Variants in BTD observed in about 807,000 individuals in gnomAD.
BTD encodes biotinidase, also known as biocytinase.
In BTD, 13 loss-of-function variants were observed where a neutral mutation model predicts 17.7. The observed-to-expected ratio is 0.74, with a 90% CI of 0.48 to 1.17. The LOEUF is 1.17. BTD is among the 50% of genes most tolerant of loss of function. The pLI is 0.00. For missense variants in BTD, 674 were observed against 650.4 expected (o/e 1.04, Z -0.39); for synonymous variants, 240 against 245.2 (o/e 0.98, Z 0.20).
chr3:15,601,403 C>T (rs199768149), upstream of BTD: 13 of 1,614,090 alleles, frequency 8.1e-6, no homozygotes, highest in South Asian at 6.6e-5. Context: ...AGGGCCTGAG[C>T]GATGACTTTA....
At chr3:15,636,105 A>C (rs149326239) in intron 2 of BTD, among the ~76,000 whole-genome samples, 1 of 152,178 alleles carries the variant, frequency 6.6e-6, no homozygotes, top group Non-Finnish European at 1.5e-5. Flanking sequence ...TTGGTGTGGA[A>C]GGGGTGTGGA....
intron 1 of BTD, among the ~76,000 whole-genome samples, chr3:15,605,191 T>C (rs1327683615): frequency 6.6e-6 from 1 of 152,154 alleles, no homozygotes; most frequent in Non-Finnish European, 1.5e-5. Flanking sequence ...AAAAGAGGTT[T>C]AATAGATTCA....
chr3:15,697,675 G>A (rs533249946), intron 3 of BTD, among the ~76,000 whole-genome samples: 3 of 152,172 alleles, frequency 2.0e-5, no homozygotes, highest in East Asian at 1.9e-4. Context: ...GAGGATTTTC[G>A]CATTGATGTT....
At chr3:15,701,009 C>G (rs1360719480) in intron 3 of BTD, among the ~76,000 whole-genome samples, 1 of 152,026 alleles carries the variant, frequency 6.6e-6, no homozygotes, top group Non-Finnish European at 1.5e-5. Flanking sequence ...ATACGTCTAC[C>G]CAAATATTAA....
chr3:15,718,249 C>T (rs2073301030), intron 4 of BTD, among the ~76,000 whole-genome samples: 1 of 152,144 alleles, frequency 6.6e-6, no homozygotes, highest in Admixed American at 6.5e-5. Flanking sequence ...TGGACAATTG[C>T]ATATAAATGA....
At chr3:15,720,861 GTTGTT>G (rs2073654455) in intron 4 of BTD, 1 of 1,499,510 alleles carries the variant, frequency 6.7e-7, no homozygotes, top group East Asian at 2.3e-5. Flanking sequence ...CACCATTGAT[GTTGTT>G]TTAACAGTGA....
chr3:15,661,262 T>C (rs1337544669), intron 3 of BTD, among the ~76,000 whole-genome samples: 1 of 84,376 alleles, frequency 1.2e-5, no homozygotes, highest in Non-Finnish European at 2.1e-5. Flanking sequence ...CTAGACTCTG[T>C]CTCAAAAAAA....
At chr3:15,667,461 A>G (rs2066039862) in intron 3 of BTD, 2 of 152,358 alleles carry the variant, frequency 1.3e-5, no homozygotes, top group South Asian at 4.1e-4. Flanking sequence ...GTCATCTTTT[A>G]TGTATAAGTT....
chr3:15,697,749 A>G (rs1029673216), intron 3 of BTD, among the ~76,000 whole-genome samples: 10 of 152,238 alleles, frequency 6.6e-5, no homozygotes, highest in African/African-American at 2.4e-4. Context: ...GCCTCATAAA[A>G]TGAGTTAGGG....
chr3:15,650,297 A>G lies in BTD; in HGVS notation c.*4809A>G, dbSNP rs2065780497. On this transcript the variant is annotated 3_prime_UTR_variant, in exon 4 of 4. Coordinates refer to ENST00000643237, the MANE Select transcript of BTD (RefSeq NM_001370658.1). Reference sequence around the variant, plus strand: ...TGTGTTCAGTACTGAAGTAAAACAAAAATCTGAATAACAGCTGCACCGTTA... The same window carrying G: ...TGTGTTCAGTACTGAAGTAAAACAAGAATCTGAATAACAGCTGCACCGTTA... Among the ~76,000 whole-genome samples the G allele has an allele frequency of 6.6e-6, 1 of 152,270 alleles. No homozygotes were observed. The highest frequency in any genetic ancestry group is 2.1e-4 in the South Asian group (1 of 4,836).
rs1221309910 is a variant in BTD at position 15,647,985 on chromosome 3, C to G, written c.*2497C>G. Among the ~76,000 whole-genome samples, 1 of 152,214 alleles carries G rather than the reference C, an allele frequency of 6.6e-6. No homozygotes were observed. The highest frequency in any genetic ancestry group is 1.5e-5 in the Non-Finnish European group (1 of 68,034). On this transcript the variant is annotated 3_prime_UTR_variant, in exon 4 of 4. Transcript: ENST00000643237. Reference sequence around the variant, plus strand: ...GACACAGGCCTGTCCAGAGCCCCTGCTGAGGGAAACCCACCCAGGCCACTT... The same window carrying G: ...GACACAGGCCTGTCCAGAGCCCCTGGTGAGGGAAACCCACCCAGGCCACTT...
At chr3:15,627,046 C>T (rs1352695165) in intron 1 of BTD, among the ~76,000 whole-genome samples, 6 of 152,214 alleles carry the variant, frequency 3.9e-5, no homozygotes, top group East Asian at 1.9e-4. Context: ...CATTTCTCTA[C>T]ACATCTGCCA....
downstream of BTD, chr3:15,714,750 A>T (rs1435839503): frequency 1.2e-6 from 1 of 815,252 alleles, no homozygotes; most frequent in Non-Finnish European, 1.8e-6. Context: ...CTTTATTTTT[A>T]TAACTATTTT....
downstream of BTD, chr3:15,714,544 A>C (rs371240043): frequency 1.1e-5 from 17 of 1,496,708 alleles, 1 homozygote; most frequent in African/African-American, 2.0e-4. Flanking sequence ...AAAAAAAAAA[A>C]AAACCCCAAA....
chr3:15,709,167 G>A (rs2071879732), intron 3 of BTD, among the ~76,000 whole-genome samples: 1 of 152,082 alleles, frequency 6.6e-6, no homozygotes, highest in Admixed American at 6.6e-5. Flanking sequence ...GGGATGTGTG[G>A]ATATATGTGT....
At chr3:15,631,027 C>T (rs576914927) in intron 1 of BTD, among the ~76,000 whole-genome samples, 2 of 152,302 alleles carry the variant, frequency 1.3e-5, no homozygotes, top group Non-Finnish European at 2.9e-5. Context: ...AAATTCAGAT[C>T]ATATAAATTA....
intron 1 of BTD, among the ~76,000 whole-genome samples, chr3:15,629,580 A>G (rs540031380): frequency 2.6e-5 from 4 of 152,124 alleles, no homozygotes; most frequent in Admixed American, 6.5e-5. Flanking sequence ...CTGGAGTGCA[A>G]TGGTGCGATT....
intron 3 of BTD, among the ~76,000 whole-genome samples, chr3:15,664,265 G>C (rs1308695155): frequency 6.6e-6 from 1 of 152,224 alleles, no homozygotes; most frequent in Non-Finnish European, 1.5e-5. Context: ...TCTCATTGCA[G>C]TTCTACCGGT....
downstream of BTD, chr3:15,714,585 G>A (rs773909454): frequency 6.3e-7 from 1 of 1,586,858 alleles, no homozygotes; most frequent in East Asian, 2.3e-5. Flanking sequence ...TACCACTCTG[G>A]ATAATGGTTT....
Sources: allele counts gnomAD v4.1 joint callset (sites outside exome capture counted in the v4.1 genomes callset), GRCh38; gene constraint gnomAD v4.1.1; transcripts MANE v1.5; gene names NCBI Gene and HGNC (gene_info 2026-07-23, HGNC 2026-07-21).